Variants in MAP4K3 observed in about 807,000 individuals in gnomAD.
MAP4K3 encodes the protein mitogen-activated protein kinase kinase kinase kinase 3, also known as MAPK/ERK kinase kinase kinase 3.
In MAP4K3, 94 loss-of-function variants were observed where a neutral mutation model predicts 143.5. The ratio of observed to expected loss-of-function variants is 0.65; its 90% CI spans 0.55 to 0.78. The LOEUF (loss-of-function observed/expected upper bound fraction) is 0.78, where lower values mean the gene tolerates loss of function less well. MAP4K3 is among the 30% of genes least tolerant of loss of function. The pLI, the probability that MAP4K3 is intolerant of heterozygous loss-of-function variation, is 0.00. For missense variants in MAP4K3, 1,077 were observed against 1,068.1 expected, an observed-to-expected ratio of 1.01 and a Z score of -0.12; for synonymous variants, 416 against 347.2, an observed-to-expected ratio of 1.20 and a Z score of -2.20.
chr2:39,423,024 A>G (rs545194980), intron 1 of MAP4K3, among the ~76,000 whole-genome samples: 1 of 152,348 alleles, frequency 6.6e-6, no homozygotes, highest in East Asian at 1.9e-4. Context: ...TGCATAACAT[A>G]TATCTGATAG....
intron 2 of MAP4K3, among the ~76,000 whole-genome samples, chr2:39,377,743 A>G (rs1488958822): frequency 6.6e-6 from 1 of 152,166 alleles, no homozygotes; most frequent in Admixed American, 6.5e-5. Context: ...CCACTACATC[A>G]CACTGACACC....
intron 12 of MAP4K3, among the ~76,000 whole-genome samples, chr2:39,322,643 CAT>C (rs1290006767): frequency 6.8e-6 from 1 of 146,512 alleles, no homozygotes; most frequent in Admixed American, 6.8e-5. Flanking sequence ...GATAAATACA[CAT>C]ATATATATAT....
At position 39,393,410 on chromosome 2, in the gene MAP4K3, C is replaced by T. The variant is rs148657779; in HGVS notation, c.97-15287G>A. Among the ~76,000 whole-genome samples, 910 of 152,252 alleles carry T rather than the reference C, an allele frequency of 6.0e-3. 10 individuals carry two copies. Among genetic ancestry groups the T allele is most frequent in the African/African-American group, 0.021 (871 of 41,542 alleles). On this transcript the variant is annotated intron_variant, in intron 1 of 33. Coordinates refer to ENST00000263881, the MANE Select transcript of MAP4K3 (RefSeq NM_003618.4). ...TTTACAAGAGAATATACTTTTCAAA[C>T]GTATCAGTCATAAAACTTAGAACCT...
chr2:39,278,374 T>C (rs201176773), intron 24 of MAP4K3, 33 bp downstream of exon 24: 2 of 1,336,974 alleles, frequency 1.5e-6, no homozygotes, highest in Admixed American at 2.2e-5. Context: ...AACTTAAAAA[T>C]TAAAAAAAAA....
At chr2:39,398,556 T>C (rs967119898) in intron 1 of MAP4K3, among the ~76,000 whole-genome samples, 1 of 151,634 alleles carries the variant, frequency 6.6e-6, no homozygotes, top group Non-Finnish European at 1.5e-5. Context: ...AAATAGCACT[T>C]TGCATTTTGA....
intron 1 of MAP4K3, among the ~76,000 whole-genome samples, chr2:39,384,271 C>T (rs548207979): frequency 1.9e-4 from 29 of 152,222 alleles, no homozygotes; most frequent in Non-Finnish European, 3.1e-4. Context: ...TCAAGCCGGG[C>T]GTCGTGGCTC....
At chr2:39,417,488 G>A (rs1003312867) in intron 1 of MAP4K3, among the ~76,000 whole-genome samples, 1 of 152,070 alleles carries the variant, frequency 6.6e-6, no homozygotes, top group East Asian at 1.9e-4. Context: ...AAAGTGCTGG[G>A]ATTACAGGCG....
intron 4 of MAP4K3, among the ~76,000 whole-genome samples, chr2:39,339,485 G>A (rs1665078986): frequency 6.6e-6 from 1 of 152,156 alleles, no homozygotes; most frequent in Non-Finnish European, 1.5e-5. Flanking sequence ...GTAAAACTGT[G>A]AAAGAATATT....
intron 1 of MAP4K3, chr2:39,379,693 T>C (rs1666310416): frequency 1.2e-5 from 2 of 167,328 alleles, no homozygotes; most frequent in Non-Finnish European, 1.5e-5. Context: ...TCCTTTAGCA[T>C]CTCCTCCAAA....
In MAP4K3 at chr2:39,250,210, G is replaced by T. The variant is rs1198394040; in HGVS notation, c.*408C>A. ...TGCCAGCATCCCATTTTGTAATATAGCCACACCCAAGAATATACTAAAGAA... is the reference window on the plus strand; with the variant it reads ...TGCCAGCATCCCATTTTGTAATATATCCACACCCAAGAATATACTAAAGAA... On this transcript the variant is annotated 3_prime_UTR_variant, in exon 34 of 34. Coordinates refer to ENST00000263881, the MANE Select transcript of MAP4K3 (RefSeq NM_003618.4). 1.3e-5 allele frequency: 2 copies of T among 154,328 alleles called. No homozygotes were observed. Among genetic ancestry groups the T allele is most frequent in the African/African-American group, 4.8e-5 (2 of 41,454 alleles). 9.6% of individuals were successfully genotyped at this position (154,328 alleles called of 1,614,324 possible).
chr2:39,288,336 G>GT (rs1681887838), intron 19 of MAP4K3, 56 bp from the exon 20 acceptor site: 2 of 1,493,540 alleles, frequency 1.3e-6, no homozygotes, highest in Non-Finnish European at 1.9e-6. Context: ...TTTTCCTGAA[G>GT]TAAGTACTAT....
chr2:39,294,587 T>C (rs1682191966), intron 16 of MAP4K3, among the ~76,000 whole-genome samples: 1 of 152,210 alleles, frequency 6.6e-6, no homozygotes, highest in African/African-American at 2.4e-5. Flanking sequence ...GCCTTCACCA[T>C]CACAGGATAT....
intron 27 of MAP4K3, 95 bp from the exon 28 acceptor site, chr2:39,265,401 T>A: frequency 1.2e-6 from 1 of 826,638 alleles, no homozygotes; most frequent in Non-Finnish European, 2.1e-6. Context: ...CTAAACAAAC[T>A]AAACATAAAA....
rs188226065 is a variant in MAP4K3 at position 39,383,613 on chromosome 2, G to C, written c.97-5490C>G. On this transcript the variant is annotated intron_variant, in intron 1 of 33. Coordinates refer to ENST00000263881, the MANE Select transcript of MAP4K3 (RefSeq NM_003618.4). ...ACTCCTGGTTATGCCTATTGTACCG[G>C]TAGAATTATTAATAATTCTACCAGT... Among the ~76,000 whole-genome samples, 46 of 151,816 alleles carry C rather than the reference G, an allele frequency of 3.0e-4. 1 individual carries two copies. The East Asian group carries it at 8.3e-3, about 27-fold the overall frequency.
chr2:39,397,876 T>C (rs1030346842), intron 1 of MAP4K3, among the ~76,000 whole-genome samples: 2 of 152,096 alleles, frequency 1.3e-5, no homozygotes, highest in Non-Finnish European at 1.5e-5. Flanking sequence ...GAAATACAAA[T>C]GGCCCTTGAA....
intron 26 of MAP4K3, among the ~76,000 whole-genome samples, chr2:39,269,453 T>C (rs1269031755): frequency 6.7e-6 from 1 of 148,904 alleles, no homozygotes; most frequent in African/African-American, 2.5e-5. Context: ...ATCTGAAGCT[T>C]AGATTTTTGC....
Position 39,337,585 on chromosome 2 carries a change from T to C in MAP4K3, c.311-4A>G. The C allele has an allele frequency of 6.2e-7, 1 of 1,602,300 alleles. No individual in the cohort carries two copies. Among genetic ancestry groups the C allele is most frequent in the Non-Finnish European group, 8.5e-7 (1 of 1,169,774 alleles). Reference sequence around the variant, plus strand: ...AGTTCTGACAGAGGTCCAGTTACTGTAAAAGAAGACAATTAATACTCATAA... The same window carrying C: ...AGTTCTGACAGAGGTCCAGTTACTGCAAAAGAAGACAATTAATACTCATAA... On this transcript the variant is annotated splice_region_variant and splice_polypyrimidine_tract_variant and intron_variant, in intron 4 of 33. Coordinates refer to ENST00000263881, the MANE Select transcript of MAP4K3 (RefSeq NM_003618.4).
intron 1 of MAP4K3, among the ~76,000 whole-genome samples, chr2:39,388,413 G>A (rs1035275344): frequency 1.7e-4 from 26 of 152,190 alleles, no homozygotes; most frequent in African/African-American, 6.3e-4. Flanking sequence ...ACAAAGAGAT[G>A]TAGTATAAAC....
At chr2:39,372,373 T>A (rs1381264361) in intron 2 of MAP4K3, among the ~76,000 whole-genome samples, 14 of 151,536 alleles carry the variant, frequency 9.2e-5, no homozygotes, top group Admixed American at 9.2e-4. Context: ...CAAAAGAATC[T>A]AAGGATTTAA....
Sources: gnomAD v4.1 joint callset for allele counts (sites outside exome capture counted in the v4.1 genomes callset) on GRCh38, gnomAD v4.1.1 for gene constraint, MANE v1.5 for transcripts, NCBI Gene and HGNC (gene_info 2026-07-23, HGNC 2026-07-21) for gene names.